Variants in NADK observed in about 807,000 individuals in gnomAD.
NADK encodes poly(P)/ATP NAD kinase.
In NADK, 22 loss-of-function variants were observed where a neutral mutation model predicts 49.8. The observed-to-expected ratio is 0.44, with a 90% CI of 0.32 to 0.63. The LOEUF is 0.63. Ranked by LOEUF, NADK falls within the 30% of genes least tolerant of loss-of-function variation. The probability of loss-of-function intolerance (pLI) is 0.06; values close to 1 mark genes in which losing one functional copy is unlikely to be tolerated. For synonymous variants in NADK, 268 were observed against 253.7 expected, an observed-to-expected ratio of 1.06 and a Z score of -0.54; for missense variants, 438 against 609.4, an observed-to-expected ratio of 0.72 and a Z score of 2.96.
chr1:1,764,784 C>T (rs535213388), intron 2 of NADK, among the ~76,000 whole-genome samples: 51 of 152,294 alleles, frequency 3.3e-4, no homozygotes, highest in African/African-American at 1.1e-3. Flanking sequence ...GCCTGTAATC[C>T]CAGCTTCTTG....
chr1:1,765,091 A>T, intron 2 of NADK, 137 bp downstream of exon 2: 1 of 856,672 alleles, frequency 1.2e-6, no homozygotes, highest in Non-Finnish European at 1.7e-6. Context: ...GCACAGCTTC[A>T]CCTGGGCAAG....
intron 11 of NADK, 109 bp from the exon 12 acceptor site, chr1:1,753,169 G>A: frequency 7.3e-7 from 1 of 1,370,176 alleles, no homozygotes; most frequent in Non-Finnish European, 9.9e-7. Context: ...CTTTTCCTGT[G>A]GGGCCGGGCA....
intron 1 of NADK, among the ~76,000 whole-genome samples, chr1:1,771,075 T>TATACAC (rs1472215712): frequency 4.4e-4 from 63 of 142,626 alleles, no homozygotes; most frequent in African/African-American, 1.6e-3. Flanking sequence ...TATATATATA[T>TATACAC]ACACACACAC....
At position 1,754,870 on chromosome 1, in the gene NADK, G is replaced by A. The variant is rs1197488256; in HGVS notation, c.689-172C>T. ...GGAGTCTCACTCTGTCACCCAGGCTGGAATGCAGTGGTGTGATCTTGGCTC... is the reference window on the plus strand; with the variant it reads ...GGAGTCTCACTCTGTCACCCAGGCTAGAATGCAGTGGTGTGATCTTGGCTC... On this transcript the variant is annotated intron_variant, in intron 7 of 11. Coordinates refer to ENST00000341426, the MANE Select transcript of NADK (RefSeq NM_023018.5). The surrounding 1 kb of genome is among the most constrained non-coding windows in gnomAD (Gnocchi z 4.3). 1 of 622,916 alleles carries A rather than the reference G, an allele frequency of 1.6e-6. No individual in the cohort carries two copies. The highest frequency in any genetic ancestry group is 3.0e-5 in the East Asian group (1 of 33,416). The allele number at this position is 622,916 out of a possible 1,614,324, so 38.6% of individuals were successfully genotyped here. A position where few individuals can be genotyped will look rare whatever the true frequency, so the allele number is the denominator to read the frequency against.
In NADK at chr1:1,754,878, G is replaced by C; in HGVS notation, c.689-180C>G. On this transcript the variant is annotated intron_variant, in intron 7 of 11. Coordinates refer to ENST00000341426, the MANE Select transcript of NADK (RefSeq NM_023018.5). The surrounding 1 kb of genome is among the most constrained non-coding windows in gnomAD (Gnocchi z 4.3). ...ACTCTGTCACCCAGGCTGGAATGCA[G>C]TGGTGTGATCTTGGCTCACTGCAAC... 1 of 610,058 alleles carries C rather than the reference G, an allele frequency of 1.6e-6. No individual in the cohort carries two copies. Among genetic ancestry groups the C allele is most frequent in the Non-Finnish European group, 2.8e-6 (1 of 361,444 alleles). 37.8% of individuals were successfully genotyped at this position (610,058 alleles called of 1,614,324 possible).
At position 1,752,245 on chromosome 1, in the gene NADK, G is replaced by A. The variant is rs1279961680; in HGVS notation, c.*659C>T. On this transcript the variant is annotated 3_prime_UTR_variant, in exon 12 of 12. Coordinates refer to ENST00000341426, the MANE Select transcript of NADK (RefSeq NM_023018.5). Reference sequence around the variant, plus strand: ...TACAGGATTTAAACTACCTTCCTGGGAGCAGAAGCTACGTGAGGAATGTGT... The same window carrying A: ...TACAGGATTTAAACTACCTTCCTGGAAGCAGAAGCTACGTGAGGAATGTGT... 1.3e-5 allele frequency: 2 copies of A among 152,656 alleles called. No individual in the cohort carries two copies. The highest frequency in any genetic ancestry group is 2.4e-5 in the African/African-American group (1 of 41,474). 9.5% of individuals were successfully genotyped at this position (152,656 alleles called of 1,614,324 possible). A position where few individuals can be genotyped will look rare whatever the true frequency, so the allele number is the denominator to read the frequency against.
chr1:1,754,609 C>G lies in NADK; in HGVS notation c.778G>C (p.Gly260Arg), dbSNP rs952363450. 6.2e-7 allele frequency: 1 copy of G among 1,614,002 alleles called. No homozygotes were observed. The highest frequency in any genetic ancestry group is 8.5e-7 in the Non-Finnish European group (1 of 1,179,938). Residue 260 changes from glycine (G) to arginine (R), a missense_variant, in exon 8 of 12, where the codon GGT becomes CGT. Transcript: ENST00000341426. This position sits in a 1 kb window ranked among gnomAD's most constrained non-coding sequence, Gnocchi z 4.3. Reference protein sequence around the residue: ...GKKTAVHNGLGENGSQAAGLD... With the variant: ...GKKTAVHNGLRENGSQAAGLD... ...CCTGCAGCCTGCGAGCCGTTCTCAC[C>G]CAGCCCATTGTGCACGGCCGTCTTC...
intron 3 of NADK, 181 bp downstream of exon 3, chr1:1,761,771 G>C: frequency 1.8e-6 from 1 of 568,198 alleles, no homozygotes; most frequent in Non-Finnish European, 3.1e-6. Flanking sequence ...GTGGCTTTTT[G>C]TTTAAATGAC....
At chr1:1,769,333 G>A (rs554008299) in intron 1 of NADK, among the ~76,000 whole-genome samples, 82 of 152,350 alleles carry the variant, frequency 5.4e-4, no homozygotes, top group Non-Finnish European at 1.0e-3. Flanking sequence ...GATCACCTGA[G>A]GTCAGATGTT....
In NADK at chr1:1,756,584, T is replaced by C; in HGVS notation, c.418A>G (p.Lys140Glu). 6.2e-7 allele frequency: 1 copy of C among 1,614,120 alleles called. No homozygotes were observed. Among genetic ancestry groups the C allele is most frequent in the Non-Finnish European group, 8.5e-7 (1 of 1,180,046 alleles). Residue 140 changes from lysine (K) to glutamate (E), a missense_variant, in exon 5 of 12, where the codon AAG becomes GAG. Physicochemically the swap from Lys to Glu is moderately conservative, Grantham distance 56. Transcript: ENST00000341426. ...ATGGCAGGGTCTTCTAGCACTTTCT[T>C]TTCCACATACACGATCATGTTCTCC... is the stretch of plus-strand genomic sequence containing the variant. Reference protein sequence around the residue: ...MEENMIVYVEKKVLEDPAIAS... With the variant: ...MEENMIVYVEEKVLEDPAIAS...
chr1:1,755,540 C>T, intron 6 of NADK, 64 bp from the exon 7 acceptor site: 3 of 1,227,328 alleles, frequency 2.4e-6, no homozygotes, highest in Non-Finnish European at 3.6e-6. Context: ...CCCAGCTTTC[C>T]AGCAGCACCT....
chr1:1,764,111 C>T (rs1419044049), intron 2 of NADK, among the ~76,000 whole-genome samples: 1 of 152,146 alleles, frequency 6.6e-6, no homozygotes, highest in Non-Finnish European at 1.5e-5. Context: ...AGACAGAAAA[C>T]GTGGGAGTAG....
At position 1,753,025 on chromosome 1, in the gene NADK, G is replaced by A. The variant is rs911072972; in HGVS notation, c.1220C>T (p.Ser407Phe). 4 of 1,611,202 alleles carry A rather than the reference G, an allele frequency of 2.5e-6. No individual in the cohort carries two copies. In the South Asian group the frequency reaches 3.3e-5, roughly 13 times the overall value. The change falls in exon 12 of 12, where the codon TCC becomes TTC. Residue 407 changes from serine to phenylalanine, a missense_variant. Coordinates refer to ENST00000341426, the MANE Select transcript of NADK (RefSeq NM_023018.5). Reference sequence around the variant, plus strand: ...GCTCACGGGGTCCCGCACACAGATGGAGGGGAGCGGGTAGCATGAGGTAGT... The same window carrying A: ...GCTCACGGGGTCCCGCACACAGATGAAGGGGAGCGGGTAGCATGAGGTAGT... ...SITTSCYPLP[S>F]ICVRDPVSDW... is the part of the protein sequence containing the mutation.
intron 2 of NADK, among the ~76,000 whole-genome samples, chr1:1,763,136 G>A (rs1376272135): frequency 1.3e-5 from 2 of 152,254 alleles, no homozygotes; most frequent in African/African-American, 4.8e-5. Flanking sequence ...CTCCACAGGT[G>A]ACACAGGCGT....
At chr1:1,773,005 C>T (rs1646096924) in intron 1 of NADK, among the ~76,000 whole-genome samples, 1 of 146,872 alleles carries the variant, frequency 6.8e-6, no homozygotes, top group Admixed American at 6.9e-5. Context: ...CACGCCATTG[C>T]ACTCCAGCCT....
In NADK at chr1:1,759,934, C is replaced by T. The variant is rs1256676850; in HGVS notation, c.263+2018G>A. Reference sequence around the variant, plus strand: ...GGACCAGGAAGTGCAGGGAGGGCACCAGGCAGCGGGGGAGAGGCCCGGTGG... The same window carrying T: ...GGACCAGGAAGTGCAGGGAGGGCACTAGGCAGCGGGGGAGAGGCCCGGTGG... On this transcript the variant is annotated intron_variant, in intron 3 of 11. Coordinates refer to ENST00000341426, the MANE Select transcript of NADK (RefSeq NM_023018.5). 3 of 1,549,276 alleles carry T rather than the reference C, an allele frequency of 1.9e-6. No individual in the cohort carries two copies. In the Admixed American group the frequency reaches 5.9e-5, roughly 30 times the overall value.
chr1:1,774,762 C>T (rs1646162512), intron 1 of NADK, among the ~76,000 whole-genome samples: 1 of 152,196 alleles, frequency 6.6e-6, no homozygotes, highest in Non-Finnish European at 1.5e-5. Context: ...ACACACAATG[C>T]TAGCTGCACC....
chr1:1,775,985 G>T (rs1008206157), intron 1 of NADK, among the ~76,000 whole-genome samples: 1 of 152,152 alleles, frequency 6.6e-6, no homozygotes, highest in Non-Finnish European at 1.5e-5. Flanking sequence ...GGACTAGAAA[G>T]TGGAGCTGCT....
chr1:1,771,042 T>TTAA (rs1401265291), intron 1 of NADK, among the ~76,000 whole-genome samples: 1 of 130,500 alleles, frequency 7.7e-6, no homozygotes, highest in African/African-American at 3.0e-5. Flanking sequence ...TTTCATCTTA[T>TTAA]AAAAAAAAAA....
Sources: allele counts gnomAD v4.1 joint callset (sites outside exome capture counted in the v4.1 genomes callset), GRCh38; gene constraint gnomAD v4.1.1; non-coding constraint Gnocchi (gnomAD v3.1); transcripts MANE v1.5; gene names NCBI Gene and HGNC (gene_info 2026-07-23, HGNC 2026-07-21).